FGF7: variants seen among roughly 807,000 people sequenced by gnomAD.
FGF7 encodes the protein fibroblast growth factor 7.
A neutral mutation model predicts 20.5 loss-of-function variants in FGF7; 6 were observed. The ratio of observed to expected loss-of-function variants is 0.29; its 90% CI spans 0.16 to 0.58. The LOEUF (loss-of-function observed/expected upper bound fraction) is 0.58, where lower values mean the gene tolerates loss of function less well. Among genes scored for constraint, FGF7 ranks in the 20% least tolerant of loss-of-function variants. FGF7 has a pLI of 0.90. For missense variants in FGF7, 144 were observed against 228.8 expected, an observed-to-expected ratio of 0.63 and a Z score of 2.39; for synonymous variants, 64 against 74.7, an observed-to-expected ratio of 0.86 and a Z score of 0.74.
At chr15:49,436,302 G>C (rs1286754922) in intron 2 of FGF7, among the ~76,000 whole-genome samples, 1 of 151,566 alleles carries the variant, frequency 6.6e-6, no homozygotes, top group Non-Finnish European at 1.5e-5. Flanking sequence ...ACAAAGATTA[G>C]ATATTGCATA....
chr15:49,447,105 T>C (rs2052292588), intron 2 of FGF7, among the ~76,000 whole-genome samples: 1 of 151,640 alleles, frequency 6.6e-6, no homozygotes, highest in Admixed American at 6.6e-5. Context: ...AGGTCAAATA[T>C]GCAAGCCTGT....
chr15:49,431,983 A>G (rs2050663612), intron 2 of FGF7, among the ~76,000 whole-genome samples: 1 of 151,690 alleles, frequency 6.6e-6, no homozygotes, highest in African/African-American at 2.4e-5. Flanking sequence ...TACAGGTATT[A>G]CTCAAATAGG....
intron 2 of FGF7, among the ~76,000 whole-genome samples, chr15:49,452,548 T>C (rs1453215877): frequency 6.6e-6 from 1 of 152,192 alleles, no homozygotes. Context: ...GATTTTTTAA[T>C]GCAGTTACAA....
chr15:49,424,382 T>A lies in FGF7; in HGVS notation c.85T>A (p.Ser29Thr). 2 of 1,613,690 alleles carry A rather than the reference T, an allele frequency of 1.2e-6. No individual in the cohort carries two copies. The highest frequency in any genetic ancestry group is 8.5e-7 in the Non-Finnish European group (1 of 1,179,726). Residue 29 changes from serine (S) to threonine (T), a missense_variant, in exon 2 of 4, where the codon TCT becomes ACT. This residue lies in a region of FGF7 where 88 missense variants were observed against 103.4 expected (regional missense o/e 0.85). Coordinates refer to ENST00000267843, the MANE Select transcript of FGF7 (RefSeq NM_002009.4). ...FHIICLVGTI[S>T]LACNDMTPEQ... Reference sequence around the variant, plus strand: ...CATTATCTGTCTAGTGGGTACTATATCTTTAGCTTGCAATGACATGACTCC... The same window carrying A: ...CATTATCTGTCTAGTGGGTACTATAACTTTAGCTTGCAATGACATGACTCC...
intron 2 of FGF7, among the ~76,000 whole-genome samples, chr15:49,471,705 G>A (rs1274184408): frequency 1.3e-5 from 2 of 151,998 alleles, no homozygotes; most frequent in Non-Finnish European, 2.9e-5. Flanking sequence ...CATGCTTTAT[G>A]TAACAATAAT....
chr15:49,452,192 C>G (rs925276770), intron 2 of FGF7, among the ~76,000 whole-genome samples: 8 of 152,160 alleles, frequency 5.3e-5, no homozygotes, highest in African/African-American at 1.7e-4. Context: ...CAGGTGCATG[C>G]TACCATGCCC....
chr15:49,462,335 G>T (rs1405057935), intron 2 of FGF7, among the ~76,000 whole-genome samples: 1 of 152,064 alleles, frequency 6.6e-6, no homozygotes, highest in Non-Finnish European at 1.5e-5. Context: ...TAAATAGTAA[G>T]CTCCTAACAT....
intron 2 of FGF7, among the ~76,000 whole-genome samples, chr15:49,477,379 C>G (rs1271019157): frequency 1.3e-5 from 2 of 152,206 alleles, no homozygotes; most frequent in Non-Finnish European, 2.9e-5. Flanking sequence ...ACTGATACTA[C>G]TGTCTCTAAA....
chr15:49,482,640 G>C (rs1002754150), intron 2 of FGF7, among the ~76,000 whole-genome samples: 5 of 151,890 alleles, frequency 3.3e-5, no homozygotes, highest in Non-Finnish European at 5.9e-5. Context: ...AGAATGTCTG[G>C]GTTCAAATTC....
intron 2 of FGF7, among the ~76,000 whole-genome samples, chr15:49,448,269 C>T (rs2052404445): frequency 6.6e-6 from 1 of 151,510 alleles, no homozygotes; most frequent in South Asian, 2.1e-4. Context: ...CATCTCCTTC[C>T]AAATTTGTCT....
intron 2 of FGF7, among the ~76,000 whole-genome samples, chr15:49,462,961 T>C (rs1031573732): frequency 3.9e-5 from 6 of 152,226 alleles, no homozygotes; most frequent in African/African-American, 9.6e-5. Context: ...TATAGCATTA[T>C]TGGATTCTCT....
At position 49,477,348 on chromosome 15, in the gene FGF7, C is replaced by T. The variant is rs781473952; in HGVS notation, c.287-5803C>T. Among the ~76,000 whole-genome samples, 17 of 152,248 alleles carry T rather than the reference C, an allele frequency of 1.1e-4. 1 individual carries two copies. The highest frequency in any genetic ancestry group is 8.5e-4 in the Admixed American group (13 of 15,288). ...TTCAGCTTTTCATCCTTTTTCTGCT[C>T]TCCTCAAGGCCCTTGCCACCACTGA... On this transcript the variant is annotated intron_variant, in intron 2 of 3. Coordinates refer to ENST00000267843, the MANE Select transcript of FGF7 (RefSeq NM_002009.4).
At chr15:49,435,506 T>C (rs1440360789) in intron 2 of FGF7, among the ~76,000 whole-genome samples, 5 of 151,626 alleles carry the variant, frequency 3.3e-5, no homozygotes, top group Non-Finnish European at 7.4e-5. Context: ...CTGATATGTC[T>C]TTGTTTTTGC....
chr15:49,460,016 C>T (rs2053651077), intron 2 of FGF7, among the ~76,000 whole-genome samples: 1 of 152,174 alleles, frequency 6.6e-6, no homozygotes, highest in East Asian at 1.9e-4. Flanking sequence ...CTATCACTTT[C>T]TTCCCTTGAC....
intron 2 of FGF7, among the ~76,000 whole-genome samples, chr15:49,455,038 T>A (rs962170849): frequency 2.0e-5 from 3 of 152,170 alleles, no homozygotes; most frequent in Non-Finnish European, 2.9e-5. Context: ...TGATTTAAAG[T>A]GTAGTTGGGG....
At chr15:49,473,438 C>T (rs1040848636) in intron 2 of FGF7, among the ~76,000 whole-genome samples, 1 of 152,052 alleles carries the variant, frequency 6.6e-6, no homozygotes, top group African/African-American at 2.4e-5. Context: ...GTATATTTGA[C>T]AATTTACAGT....
intron 3 of FGF7, 28 bp from the exon 4 acceptor site, chr15:49,484,282 A>C: frequency 6.6e-7 from 1 of 1,514,620 alleles, no homozygotes; most frequent in Non-Finnish European, 9.0e-7. Context: ...CATTTGGATA[A>C]TGTCTGTTTG....
At position 49,485,903 on chromosome 15, in the gene FGF7, TTTTCCTG is replaced by T. The variant is rs1351802009; in HGVS notation, c.*1402_*1408del. The T allele has an allele frequency of 6.6e-6, 1 of 152,054 alleles. No homozygotes were observed. Among genetic ancestry groups the T allele is most frequent in the African/African-American group, 2.4e-5 (1 of 41,446 alleles). 9.4% of individuals were successfully genotyped at this position (152,054 alleles called of 1,614,324 possible). On this transcript the variant is annotated 3_prime_UTR_variant, in exon 4 of 4. Coordinates refer to ENST00000267843, the MANE Select transcript of FGF7 (RefSeq NM_002009.4). ...CAAAAGGTGGCAGCACTGAAAGTTG[TTTTCCTG>T]TTAGATGGCAAGAGCACAATGCCCA...
At chr15:49,433,456 C>T (rs2050797854) in intron 2 of FGF7, among the ~76,000 whole-genome samples, 1 of 151,594 alleles carries the variant, frequency 6.6e-6, no homozygotes, top group African/African-American at 2.4e-5. Flanking sequence ...TAATTTATTA[C>T]ACATTTAAAA....
Sources: allele counts gnomAD v4.1 joint callset (sites outside exome capture counted in the v4.1 genomes callset), GRCh38; gene constraint gnomAD v4.1.1; regional missense constraint gnomAD v4.1.1; transcripts MANE v1.5; gene names NCBI Gene and HGNC (gene_info 2026-07-23, HGNC 2026-07-21).